ADGRB2: variants seen among roughly 807,000 people sequenced by gnomAD.
ADGRB2 encodes brain-specific angiogenesis inhibitor 2.
In ADGRB2, 47 loss-of-function variants were observed where a neutral mutation model predicts 178.7. The ratio of observed to expected loss-of-function variants is 0.26; its 90% CI spans 0.21 to 0.34. The LOEUF is 0.34. Among genes scored for constraint, ADGRB2 ranks in the 10% least tolerant of loss-of-function variants. ADGRB2 has a pLI of 1.00. For missense variants in ADGRB2, 1,584 were observed against 2,180.8 expected (o/e 0.73, Z 5.45); for synonymous variants, 870 against 912.4 (o/e 0.95, Z 0.84).
At position 31,740,478 on chromosome 1, in the gene ADGRB2, G is replaced by A. The variant is rs1416404805; in HGVS notation, c.1858C>T (p.Arg620Cys). 2.5e-6 allele frequency: 4 copies of A among 1,613,082 alleles called. No homozygotes were observed. The highest frequency in any genetic ancestry group is 2.5e-6 in the Non-Finnish European group (3 of 1,179,776). The change falls in exon 12 of 33, where the codon CGC becomes TGC. Residue 620 changes from arginine to cysteine, a missense_variant. Arg to Cys is a radical substitution (Grantham distance 180). Transcript: ENST00000373658. This position sits in a 1 kb window ranked among gnomAD's most constrained non-coding sequence, Gnocchi z 5.9. ...CGGGCCAGTAGCTCCTGCAGGCTGC[G>A]CACCACCTGCGACATGCCCTCGCCT... Reference protein sequence around the residue: ...LAGEGMSQVVRSLQELLARRT... With the variant: ...LAGEGMSQVVCSLQELLARRT...
rs779141200 is a variant in ADGRB2 at position 31,728,207 on chromosome 1, C to A, written c.4490G>T (p.Arg1497Leu). ...ELNQKFHTFD[R>L]YRSQSTAKRE... Reference sequence around the variant, plus strand: ...CTTGGCCGTGGACTGGCTGCGGTAGCGGTCGAAAGTGTGGAACTTCTGGTT... The same window carrying A: ...CTTGGCCGTGGACTGGCTGCGGTAGAGGTCGAAAGTGTGGAACTTCTGGTT... Residue 1497 changes from arginine to leucine, a missense_variant, in exon 31 of 33, where the codon CGC (arginine) becomes CTC (leucine). Arg to Leu is a moderately radical substitution (Grantham distance 102). Around this residue, in one of 3 missense-constraint regions of ADGRB2, gnomAD observed 865 missense variants for 1,192.8 expected, o/e 0.73. Coordinates refer to ENST00000373658, the MANE Select transcript of ADGRB2 (RefSeq NM_001364857.2). The surrounding 1 kb of genome is among the most constrained non-coding windows in gnomAD (Gnocchi z 6.7). The A allele has an allele frequency of 3.1e-6, 5 of 1,614,062 alleles. No homozygotes were observed. Among genetic ancestry groups the A allele is most frequent in the African/African-American group, 2.7e-5 (2 of 74,934 alleles).
At chr1:31,762,762 T>C (rs1647078539) in intron 1 of ADGRB2, among the ~76,000 whole-genome samples, 1 of 152,216 alleles carries the variant, frequency 6.6e-6, no homozygotes, top group South Asian at 2.1e-4. Flanking sequence ...ATGCTCTGGC[T>C]GCGGAAACCC....
intron 19 of ADGRB2, 42 bp downstream of exon 19, chr1:31,737,610 G>T (rs913341625): frequency 6.2e-7 from 1 of 1,610,390 alleles, no homozygotes; most frequent in Non-Finnish European, 8.5e-7. Context: ...TTCTGCGCCT[G>T]CCCCCCCTCC....
chr1:31,741,637 G>A lies in ADGRB2; in HGVS notation c.1674C>T (p.Pro558=). Reference sequence around the variant, plus strand: ...CCTGCCCCTTACCTGAGGCATTCGGGGGGCACTTGTTGTAGATGATCTCGC... The same window carrying A: ...CCTGCCCCTTACCTGAGGCATTCGGAGGGCACTTGTTGTAGATGATCTCGC... ...AAGEIIYNKC[P]PNASGSASRR... The change falls in exon 10 of 33, where the codon CCC becomes CCT. Residue 558 remains proline (P), a synonymous_variant. Coordinates refer to ENST00000373658, the MANE Select transcript of ADGRB2 (RefSeq NM_001364857.2). This position sits in a 1 kb window ranked among gnomAD's most constrained non-coding sequence, Gnocchi z 6.5. 1.2e-6 allele frequency: 2 copies of A among 1,613,926 alleles called. No homozygotes were observed. Among genetic ancestry groups the A allele is most frequent in the South Asian group, 1.1e-5 (1 of 91,074 alleles).
rs146433313 is a variant in ADGRB2, at chr1:31,732,104, G to A, written c.3760+11C>T. The A allele has an allele frequency of 3.0e-4, 481 of 1,613,940 alleles. 1 individual carries two copies. In the East Asian group the frequency reaches 7.7e-3, roughly 26 times the overall value. The stretch of plus-strand genomic sequence containing the variant: ...CCAGGACCATTCTCAGTTCTGCCAC[G>A]GCACACTCACCTGTTTGACAAGCCA... On this transcript the variant is annotated intron_variant, in intron 28 of 32. Coordinates refer to ENST00000373658, the MANE Select transcript of ADGRB2 (RefSeq NM_001364857.2).
Position 31,749,395 on chromosome 1 carries a change from A to C in ADGRB2, c.839-4664T>G, listed in dbSNP as rs1646443324. ...GGGCAGCCAAGCACACTGCAAAGCC[A>C]TATGGACCTGTGGAAAGGGCACAGA... On this transcript the variant is annotated intron_variant, in intron 4 of 32. Coordinates refer to ENST00000373658, the MANE Select transcript of ADGRB2 (RefSeq NM_001364857.2). 2.0e-5 allele frequency among the ~76,000 whole-genome samples: 3 copies of C among 152,220 alleles called. No individual in the cohort carries two copies. The South Asian group carries it at 6.2e-4, about 32-fold the overall frequency.
intron 1 of ADGRB2, among the ~76,000 whole-genome samples, chr1:31,763,198 C>A (rs953157115): frequency 6.7e-6 from 1 of 149,280 alleles, no homozygotes. Context: ...GGGGAGGGGG[C>A]GCGGAGCAGA....
intron 25 of ADGRB2, among the ~76,000 whole-genome samples, chr1:31,734,803 T>A (rs1645482445): frequency 6.6e-6 from 1 of 152,252 alleles, no homozygotes; most frequent in Admixed American, 6.5e-5. Flanking sequence ...TCTTAGCTTC[T>A]GATTGTCTTA....
rs752956086 is a variant in ADGRB2, at chr1:31,738,312, C to T, written c.2660G>A (p.Gly887Glu). The change falls in exon 18 of 33, where the codon GGA (glycine) becomes GAA (glutamate). Residue 887 changes from glycine (G) to glutamate (E), a missense_variant. Physicochemically the swap from Gly to Glu is moderately conservative, Grantham distance 98. Around this residue, in one of 3 missense-constraint regions of ADGRB2, gnomAD observed 865 missense variants for 1,192.8 expected, o/e 0.73. Coordinates refer to ENST00000373658, the MANE Select transcript of ADGRB2 (RefSeq NM_001364857.2). The part of the protein sequence containing the change: ...WDYSRADASS[G>E]DWDTENCQTL... Reference sequence around the variant, plus strand: ...CTGGCAATTTTCAGTGTCCCAGTCTCCTGAGCTGGCATCTCTTGGGTAGGG... The same window carrying T: ...CTGGCAATTTTCAGTGTCCCAGTCTTCTGAGCTGGCATCTCTTGGGTAGGG... 1 of 1,613,204 alleles carries T rather than the reference C, an allele frequency of 6.2e-7. No homozygotes were observed. The highest frequency in any genetic ancestry group is 8.5e-7 in the Non-Finnish European group (1 of 1,179,994).
rs1646696771 is a variant in ADGRB2 at position 31,753,712 on chromosome 1, C to T, written c.838+2287G>A. 6.6e-6 allele frequency among the ~76,000 whole-genome samples: 1 copy of T among 152,258 alleles called. No individual in the cohort carries two copies. Among genetic ancestry groups the T allele is most frequent in the African/African-American group, 2.4e-5 (1 of 41,468 alleles). On this transcript the variant is annotated intron_variant, in intron 4 of 32. Transcript: ENST00000373658. The surrounding 1 kb of genome is among the most constrained non-coding windows in gnomAD (Gnocchi z 4.1). ...CAAAGGCTCGGCAAAGGTGGTGCTG[C>T]CACAAGGCACAGACGGTGCCACGGA... is the stretch of plus-strand genomic sequence containing the variant.
In ADGRB2 at chr1:31,736,681, G is replaced by A; in HGVS notation, c.3022C>T (p.Leu1008Phe). The change falls in exon 21 of 33, where the codon CTC becomes TTC. Residue 1008 changes from leucine to phenylalanine, a missense_variant. Transcript: ENST00000373658. ...MTAAFLHFFF[L>F]SSFCWVLTEA... ...GTAAGCACCCAGCAAAAGGAGGAGA[G>A]AAAGAAGAAGTGCAGGAAGGCAGCC... 1 of 1,614,132 alleles carries A rather than the reference G, an allele frequency of 6.2e-7. No individual in the cohort carries two copies. Among genetic ancestry groups the A allele is most frequent in the Non-Finnish European group, 8.5e-7 (1 of 1,179,970 alleles).
At chr1:31,750,074 C>T (rs1646486495) in intron 4 of ADGRB2, among the ~76,000 whole-genome samples, 1 of 152,248 alleles carries the variant, frequency 6.6e-6, no homozygotes, top group Admixed American at 6.5e-5. Flanking sequence ...ACACTATTCC[C>T]TGCCCTTGAA....
At position 31,733,958 on chromosome 1, in the gene ADGRB2, C is replaced by G. The variant is rs554807920; in HGVS notation, c.3453-815G>C. Among the ~76,000 whole-genome samples, 1 of 152,366 alleles carries G rather than the reference C, an allele frequency of 6.6e-6. No homozygotes were observed. Among genetic ancestry groups the G allele is most frequent in the South Asian group, 2.1e-4 (1 of 4,830 alleles). ...GTGCCACACTCAGCCCACTCTCCTT[C>G]GCAAACACCCCCAGTGGGAGAGTCA... On this transcript the variant is annotated intron_variant, in intron 25 of 32. Coordinates refer to ENST00000373658, the MANE Select transcript of ADGRB2 (RefSeq NM_001364857.2). This position sits in a 1 kb window ranked among gnomAD's most constrained non-coding sequence, Gnocchi z 4.3.
In ADGRB2 at chr1:31,735,971, C is replaced by T; in HGVS notation, c.3201-78G>A. 1 of 1,413,994 alleles carries T rather than the reference C, an allele frequency of 7.1e-7. No individual in the cohort carries two copies. Among genetic ancestry groups the T allele is most frequent in the Non-Finnish European group, 9.6e-7 (1 of 1,041,646 alleles). 87.6% of individuals were successfully genotyped at this position (1,413,994 alleles called of 1,614,324 possible). A position where few individuals can be genotyped will look rare whatever the true frequency, so the allele number is the denominator to read the frequency against. On this transcript the variant is annotated intron_variant, in intron 22 of 32. Coordinates refer to ENST00000373658, the MANE Select transcript of ADGRB2 (RefSeq NM_001364857.2). The surrounding 1 kb of genome is among the most constrained non-coding windows in gnomAD (Gnocchi z 6.0). Reference sequence around the variant, plus strand: ...CCTCAAACACCATCCCTCAGTCCTCCCAGGCTGCCATGCCCGCATCACCAG... The same window carrying T: ...CCTCAAACACCATCCCTCAGTCCTCTCAGGCTGCCATGCCCGCATCACCAG...
Position 31,731,377 on chromosome 1 carries a change from G to C in ADGRB2, c.3803C>G (p.Thr1268Arg). The C allele has an allele frequency of 6.2e-7, 1 of 1,611,256 alleles. No individual in the cohort carries two copies. Among genetic ancestry groups the C allele is most frequent in the South Asian group, 1.1e-5 (1 of 90,786 alleles). ...CAGGGACAGGCGGGATAGTGTGCCC[G>C]TGATGGTGGACGGGTTGCAAGTGTT... ...EVNTCNPSTITGTLSRLSLDE... is the reference protein window; with the variant it reads ...EVNTCNPSTIRGTLSRLSLDE... The change falls in exon 29 of 33, where the codon ACG becomes AGG. Residue 1268 changes from threonine to arginine, a missense_variant. Transcript: ENST00000373658.
Position 31,741,083 on chromosome 1 carries a change from A to G in ADGRB2, c.1794+290T>C, listed in dbSNP as rs1377165119. ...TGCTGGGGACACAAAAATAAATTCA[A>G]GGAGGCCCCAGTCTAGCAGCACACA... On this transcript the variant is annotated intron_variant, in intron 11 of 32. Coordinates refer to ENST00000373658, the MANE Select transcript of ADGRB2 (RefSeq NM_001364857.2). The surrounding 1 kb of genome is among the most constrained non-coding windows in gnomAD (Gnocchi z 6.5). 6.6e-6 allele frequency among the ~76,000 whole-genome samples: 1 copy of G among 152,144 alleles called. No individual in the cohort carries two copies. The highest frequency in any genetic ancestry group is 1.5e-5 in the Non-Finnish European group (1 of 68,012).
In ADGRB2 at chr1:31,740,518, C is replaced by T; in HGVS notation, c.1818G>A (p.Gly606=). Residue 606 remains glycine, a synonymous_variant, in exon 12 of 33, where the codon GGG becomes GGA. Transcript: ENST00000373658. The surrounding 1 kb of genome is among the most constrained non-coding windows in gnomAD (Gnocchi z 5.9). ...YLSLREHLAK[G]QRMLAGEGMS... ...TGCCCTCGCCTGCCAGCATGCGCTGCCCCTTGGCCAGGTGCTCCCTAAGCT... is the reference window on the plus strand; with the variant it reads ...TGCCCTCGCCTGCCAGCATGCGCTGTCCCTTGGCCAGGTGCTCCCTAAGCT... 1 of 1,609,778 alleles carries T rather than the reference C, an allele frequency of 6.2e-7. No homozygotes were observed. Among genetic ancestry groups the T allele is most frequent in the Non-Finnish European group, 8.5e-7 (1 of 1,178,266 alleles).
chr1:31,740,135 T>C lies in ADGRB2; in HGVS notation c.2033A>G (p.Lys678Arg), dbSNP rs1390926650. 3.3e-5 allele frequency: 53 copies of C among 1,613,994 alleles called. No homozygotes were observed. In the Admixed American group the frequency reaches 8.7e-4, roughly 26 times the overall value. The change falls in exon 13 of 33, where the codon AAG becomes AGG. Residue 678 changes from lysine to arginine, a missense_variant. Around this residue, in one of 3 missense-constraint regions of ADGRB2, gnomAD observed 62 missense variants for 140.3 expected, o/e 0.44. Transcript: ENST00000373658. The surrounding 1 kb of genome is among the most constrained non-coding windows in gnomAD (Gnocchi z 5.9). ...CTGCTGAGCATCGTCCCACTTCTCC[T>C]TGTTTTCCGCATCCACCATGAAGCT... ...VVSFMVDAEN[K>R]EKWDDAQQVS... is the part of the protein sequence containing the mutation.
In ADGRB2 at chr1:31,728,304, G is replaced by T; in HGVS notation, c.4417-24C>A. ...TTCTAGGGGCCACAGGGCATCAGAG[G>T]GTCGCTCCCCGGGGCAGCACCATGA... On this transcript the variant is annotated intron_variant, in intron 30 of 32. Coordinates refer to ENST00000373658, the MANE Select transcript of ADGRB2 (RefSeq NM_001364857.2). The surrounding 1 kb of genome is among the most constrained non-coding windows in gnomAD (Gnocchi z 6.7). 1 of 1,609,786 alleles carries T rather than the reference G, an allele frequency of 6.2e-7. No homozygotes were observed. The highest frequency in any genetic ancestry group is 8.5e-7 in the Non-Finnish European group (1 of 1,177,402).
Sources: gnomAD v4.1 joint callset for allele counts (sites outside exome capture counted in the v4.1 genomes callset) on GRCh38, gnomAD v4.1.1 for gene constraint, gnomAD v4.1.1 regional missense constraint, Gnocchi (gnomAD v3.1) non-coding constraint, MANE v1.5 for transcripts, NCBI Gene and HGNC (gene_info 2026-07-23, HGNC 2026-07-21) for gene names.